The following DACT3 variants were observed in gnomAD, a reference collection of about 807,000 sequenced individuals.
DACT3 encodes dishevelled binding antagonist of beta catenin 3.
Under a neutral mutation model 19.6 loss-of-function variants are expected in DACT3, and 5 were observed. The ratio of observed to expected loss-of-function variants is 0.26; its 90% confidence interval spans 0.13 to 0.54. The LOEUF (loss-of-function observed/expected upper bound fraction) is 0.54. Ranked by LOEUF, DACT3 falls within the 20% of genes least tolerant of loss-of-function variation. The pLI, the probability that DACT3 is intolerant of heterozygous loss-of-function variation, is 0.95. For synonymous variants in DACT3, 454 were observed against 428.1 expected (o/e 1.06, Z -0.75); for missense variants, 908 against 927.4 (o/e 0.98, Z 0.27).
chr19:46,647,729 A>G lies in DACT3; in HGVS notation c.*753T>C, dbSNP rs747541369. The G allele has an allele frequency of 8.5e-5, 13 of 152,508 alleles. 1 individual carries two copies. Among genetic ancestry groups the G allele is most frequent in the Admixed American group, 8.5e-4 (13 of 15,264 alleles). The allele number at this position is 152,508 out of a possible 1,614,324, so 9.4% of individuals were successfully genotyped here. ...AATACAGTAATTTTAAAAAAGAAAA[A>G]AAATACTAGATTGGAACAGCTGAGG... On this transcript the variant is annotated 3_prime_UTR_variant, in exon 4 of 4. Coordinates refer to ENST00000391916, the MANE Select transcript of DACT3 (RefSeq NM_145056.3).
chr19:46,654,561 C>T (rs1368412619), intron 1 of DACT3: 1 of 985,122 alleles, frequency 1.0e-6, no homozygotes, highest in Non-Finnish European at 1.2e-6. Flanking sequence ...GAAAAGAGCA[C>T]TTCTCACGGA....
Position 46,648,348 on chromosome 19 carries a change from G to C in DACT3, c.*134C>G, listed in dbSNP as rs1195763688. On this transcript the variant is annotated 3_prime_UTR_variant, in exon 4 of 4. Coordinates refer to ENST00000391916, the MANE Select transcript of DACT3 (RefSeq NM_145056.3). The surrounding 1 kb of genome is among the most constrained non-coding windows in gnomAD (Gnocchi z 5.1). ...GAGCCTTTTCAACCAAGACTGTTAG[G>C]AGTGGGGAGAGTGAGGGGGGTCTTT... The C allele has an allele frequency of 8.2e-6, 12 of 1,460,602 alleles. No homozygotes were observed. In the East Asian group the frequency reaches 1.6e-4, roughly 19 times the overall value. The allele number at this position is 1,460,602 out of a possible 1,614,324, so 90.5% of individuals were successfully genotyped here.
Position 46,661,164 on chromosome 19 carries a change from G to T in DACT3, c.-100C>A. ...AGCCTGCCCGCCCGCCCGCTGGCCG[G>T]GCTGTCACCGTCTCATCTGCATAGG... On this transcript the variant is annotated 5_prime_UTR_variant, in exon 1 of 4. Coordinates refer to ENST00000391916, the MANE Select transcript of DACT3 (RefSeq NM_145056.3). The T allele has an allele frequency of 7.2e-6, 9 of 1,246,988 alleles. No homozygotes were observed. The highest frequency in any genetic ancestry group is 9.2e-6 in the Non-Finnish European group (9 of 972,984). The allele number at this position is 1,246,988 out of a possible 1,614,324, so 77.2% of individuals were successfully genotyped here. A position where few individuals can be genotyped will look rare whatever the true frequency, so the allele number is the denominator to read the frequency against.
chr19:46,659,231 G>C, intron 1 of DACT3: 1 of 985,216 alleles, frequency 1.0e-6, no homozygotes, highest in Middle Eastern at 5.2e-4. Context: ...GCTTTGCCTA[G>C]AGACTGGGGG....
chr19:46,657,343 TTTC>T (rs1364253677), intron 1 of DACT3, among the ~76,000 whole-genome samples: 4 of 141,150 alleles, frequency 2.8e-5, no homozygotes, highest in African/African-American at 7.9e-5. Flanking sequence ...ATTAAATGAG[TTTC>T]TTTTTTTTTT....
chr19:46,656,040 AATTTATTT>A (rs201832570), intron 1 of DACT3, among the ~76,000 whole-genome samples: 31 of 135,850 alleles, frequency 2.3e-4, no homozygotes, highest in Non-Finnish European at 3.4e-4. Context: ...ATATATATGA[AATTTATTT>A]ATTTATTTAT....
intron 1 of DACT3, among the ~76,000 whole-genome samples, chr19:46,653,802 C>T (rs2053009452): frequency 6.6e-6 from 1 of 152,236 alleles, no homozygotes; most frequent in Middle Eastern, 3.4e-3. Flanking sequence ...GATCCACCTG[C>T]CTCAGCCTCC....
chr19:46,649,837 C>G lies in DACT3; in HGVS notation c.535G>C (p.Ala179Pro), dbSNP rs1242335369. The G allele has an allele frequency of 1.4e-6, 2 of 1,420,616 alleles. No homozygotes were observed. The highest frequency in any genetic ancestry group is 3.1e-5 in the African/African-American group (2 of 65,362). The allele number at this position is 1,420,616 out of a possible 1,614,324, so 88.0% of individuals were successfully genotyped here. A position where few individuals can be genotyped will look rare whatever the true frequency, so the allele number is the denominator to read the frequency against. ...AAGGACCGCGGCACCGCTGCCCGCGCGCCCACCACCTCCGGAGCGCTGGGA... is the reference window on the plus strand; with the variant it reads ...AAGGACCGCGGCACCGCTGCCCGCGGGCCCACCACCTCCGGAGCGCTGGGA... ...ASPSAPEVVG[A>P]RAAVPRSFSA... is the part of the protein sequence containing the mutation. Residue 179 changes from alanine to proline, a missense_variant, in exon 4 of 4, where the codon GCG (alanine) becomes CCG (proline). By Grantham distance (27) the Ala-to-Pro change is conservative. Transcript: ENST00000391916.
chr19:46,659,031 G>A (rs1343159907), intron 1 of DACT3: 1 of 937,898 alleles, frequency 1.1e-6, no homozygotes, highest in Non-Finnish European at 1.3e-6. Context: ...CTTGAAGGAA[G>A]TGTATTCCTG....
Position 46,660,472 on chromosome 19 carries a change from T to G in DACT3, c.249+344A>C. On this transcript the variant is annotated intron_variant, in intron 1 of 3. Coordinates refer to ENST00000391916, the MANE Select transcript of DACT3 (RefSeq NM_145056.3). The surrounding 1 kb of genome is among the most constrained non-coding windows in gnomAD (Gnocchi z 4.9). ...CTGTTAAATGGGGACTATCACCCCGTTTCCCAAGCCGCAAGAAGACAACGC... is the reference window on the plus strand; with the variant it reads ...CTGTTAAATGGGGACTATCACCCCGGTTCCCAAGCCGCAAGAAGACAACGC... The G allele has an allele frequency of 3.8e-6, 1 of 264,370 alleles. No homozygotes were observed. The highest frequency in any genetic ancestry group is 7.2e-6 in the Non-Finnish European group (1 of 139,372). 16.4% of individuals were successfully genotyped at this position (264,370 alleles called of 1,614,324 possible).
At chr19:46,653,843 T>G (rs904070805) in intron 1 of DACT3, among the ~76,000 whole-genome samples, 2 of 152,120 alleles carry the variant, frequency 1.3e-5, no homozygotes, top group Non-Finnish European at 2.9e-5. Flanking sequence ...CATGAGCCAC[T>G]GCGCCCAGCC....
chr19:46,649,969 C>T, intron 3 of DACT3, 97 bp from the exon 4 acceptor site: 2 of 1,247,194 alleles, frequency 1.6e-6, no homozygotes, highest in Non-Finnish European at 2.0e-6. Context: ...GGGCGGGTTG[C>T]CTCCCTCCCT....
In DACT3 at chr19:46,648,320, G is replaced by T; in HGVS notation, c.*162C>A. 1 of 1,216,550 alleles carries T rather than the reference G, an allele frequency of 8.2e-7. No individual in the cohort carries two copies. The highest frequency in any genetic ancestry group is 1.1e-6 in the Non-Finnish European group (1 of 870,322). 75.4% of individuals were successfully genotyped at this position (1,216,550 alleles called of 1,614,324 possible). A position where few individuals can be genotyped will look rare whatever the true frequency, so the allele number is the denominator to read the frequency against. ...CTCCCCATTCCTCTCGGTGGTGGTG[G>T]GGGAGCCTTTTCAACCAAGACTGTT... On this transcript the variant is annotated 3_prime_UTR_variant, in exon 4 of 4. Transcript: ENST00000391916. This position sits in a 1 kb window ranked among gnomAD's most constrained non-coding sequence, Gnocchi z 5.1.
intron 1 of DACT3, among the ~76,000 whole-genome samples, chr19:46,653,539 T>TTTTTTTTATTTATTTATTTA (rs1555822614): frequency 9.2e-5 from 13 of 141,218 alleles, no homozygotes; most frequent in East Asian, 2.0e-4. Context: ...CTTTTTTTAT[T>TTTTTTTTATTTATTTATTTA]TTTATTTATT....
chr19:46,652,797 G>A lies in DACT3; in HGVS notation c.362C>T (p.Pro121Leu). The A allele has an allele frequency of 6.4e-7, 1 of 1,550,884 alleles. No individual in the cohort carries two copies. Among genetic ancestry groups the A allele is most frequent in the Non-Finnish European group, 8.7e-7 (1 of 1,146,512 alleles). The part of the protein sequence containing the change: ...SGRSSGFYED[P>L]SSTGGPDSPP... ...TGAATCTGGACCTCCTGTAGAGCTG[G>A]GATCTTCATAGAAGCCTAAATTTCC... Residue 121 changes from proline (P) to leucine (L), a missense_variant, in exon 3 of 4, where the codon CCC becomes CTC. By Grantham distance (98) the Pro-to-Leu change is moderately conservative. Transcript: ENST00000391916.
Position 46,661,158 on chromosome 19 carries a change from T to G in DACT3, c.-94A>C. ...CCCAGCAGCCTGCCCGCCCGCCCGC[T>G]GGCCGGGCTGTCACCGTCTCATCTG... is the stretch of plus-strand genomic sequence containing the variant. On this transcript the variant is annotated 5_prime_UTR_variant, in exon 1 of 4. Transcript: ENST00000391916. 8.0e-7 allele frequency: 1 copy of G among 1,248,992 alleles called. No homozygotes were observed. Among genetic ancestry groups the G allele is most frequent in the Non-Finnish European group, 1.0e-6 (1 of 978,164 alleles). The allele number at this position is 1,248,992 out of a possible 1,614,324, so 77.4% of individuals were successfully genotyped here.
chr19:46,660,463 A>G lies in DACT3; in HGVS notation c.249+353T>C. On this transcript the variant is annotated intron_variant, in intron 1 of 3. Coordinates refer to ENST00000391916, the MANE Select transcript of DACT3 (RefSeq NM_145056.3). The surrounding 1 kb of genome is among the most constrained non-coding windows in gnomAD (Gnocchi z 4.9). ...TTTGTTTCTCTGTTAAATGGGGACT[A>G]TCACCCCGTTTCCCAAGCCGCAAGA... 4.0e-6 allele frequency: 1 copy of G among 248,994 alleles called. No individual in the cohort carries two copies. Among genetic ancestry groups the G allele is most frequent in the South Asian group, 7.5e-5 (1 of 13,278 alleles). 15.4% of individuals were successfully genotyped at this position (248,994 alleles called of 1,614,324 possible). A position where few individuals can be genotyped will look rare whatever the true frequency, so the allele number is the denominator to read the frequency against.
chr19:46,655,925 C>CTCTCTATATATA (rs980735397), intron 1 of DACT3, among the ~76,000 whole-genome samples: 5 of 137,938 alleles, frequency 3.6e-5, no homozygotes, highest in African/African-American at 1.3e-4. Context: ...CTCTCTCTCT[C>CTCTCTATATATA]TATATATATA....
chr19:46,651,493 C>G (rs1479552081), intron 3 of DACT3: 1 of 152,136 alleles, frequency 6.6e-6, no homozygotes, highest in African/African-American at 2.4e-5. Flanking sequence ...TGGGATACTG[C>G]TAGGTAGCAC....
Sources: gnomAD v4.1 joint callset for allele counts (sites outside exome capture counted in the v4.1 genomes callset) on GRCh38, gnomAD v4.1.1 for gene constraint, Gnocchi (gnomAD v3.1) non-coding constraint, MANE v1.5 for transcripts, NCBI Gene and HGNC (gene_info 2026-07-23, HGNC 2026-07-21) for gene names.